Variants in CYP4F11 observed in about 807,000 individuals in gnomAD.
CYP4F11 encodes the protein cytochrome P450 family 4 subfamily F member 11, also known as cytochrome P450 4F11.
In CYP4F11, 79 loss-of-function variants were observed where a neutral mutation model predicts 62.2. The observed-to-expected ratio is 1.27, with a 90% CI of 1.06 to 1.53. The LOEUF is 1.53. Among genes scored for constraint, CYP4F11 ranks in the 40% most tolerant of loss-of-function variants. CYP4F11 has a pLI of 0.00. For synonymous variants in CYP4F11, 290 were observed against 263.7 expected (o/e 1.10, Z -0.97); for missense variants, 777 against 680.5 (o/e 1.14, Z -1.58).
At chr19:15,917,085 C>T (rs2089589078) in intron 8 of CYP4F11, among the ~76,000 whole-genome samples, 2 of 152,138 alleles carry the variant, frequency 1.3e-5, no homozygotes, top group Non-Finnish European at 2.9e-5. Context: ...TAGAATACTA[C>T]TCAGCCATTA....
Position 15,934,355 on chromosome 19 carries a change from C to A in CYP4F11, c.54G>T (p.Pro18=). ...WLGLGPVAAS[P]WLLLLLVGGS... is the part of the protein sequence containing the mutation. ...CTCCAACCAGCAGCAGAAGCAGCCA[C>A]GGGGATGCTGCCACGGGCCCGAGGC... is the stretch of plus-strand genomic sequence containing the variant. Residue 18 remains proline, a synonymous_variant, in exon 1 of 12, where the codon CCG becomes CCT. Coordinates refer to ENST00000402119, the MANE Select transcript of CYP4F11 (RefSeq NM_021187.4). 6.2e-7 allele frequency: 1 copy of A among 1,613,318 alleles called. No homozygotes were observed. Among genetic ancestry groups the A allele is most frequent in the South Asian group, 1.1e-5 (1 of 91,040 alleles).
At chr19:15,920,115 T>G (rs749090946) in intron 8 of CYP4F11, among the ~76,000 whole-genome samples, 16 of 152,246 alleles carry the variant, frequency 1.1e-4, no homozygotes, top group Admixed American at 2.6e-4. Context: ...GTAATGGATA[T>G]GACCATCAGG....
intron 8 of CYP4F11, among the ~76,000 whole-genome samples, chr19:15,919,558 G>A (rs534273473): frequency 6.6e-6 from 1 of 151,860 alleles, no homozygotes; most frequent in African/African-American, 2.4e-5. Flanking sequence ...ATGACAAATT[G>A]ATGTCTCAAG....
chr19:15,930,757 G>A (rs1020359458), intron 1 of CYP4F11, among the ~76,000 whole-genome samples: 3 of 151,966 alleles, frequency 2.0e-5, no homozygotes, highest in Non-Finnish European at 2.9e-5. Flanking sequence ...ACAGCAGTGT[G>A]GCCTCAGGAC....
Position 15,924,829 on chromosome 19 carries a change from T to C in CYP4F11, c.579A>G (p.Glu193=), listed in dbSNP as rs768457348. ...TGTCCAAGGTCATGAGGCTGATGTGTTCAAACATGTCCAGTCTGGCGCTGC... is the reference window on the plus strand; with the variant it reads ...TGTCCAAGGTCATGAGGCTGATGTGCTCAAACATGTCCAGTCTGGCGCTGC... ...SEGSARLDMF[E]HISLMTLDSL... is the part of the protein sequence containing the mutation. Residue 193 remains glutamate, a synonymous_variant, in exon 5 of 12, where the codon GAA becomes GAG. Transcript: ENST00000402119. 9.3e-6 allele frequency: 15 copies of C among 1,613,076 alleles called. No homozygotes were observed. Among genetic ancestry groups the C allele is most frequent in the Non-Finnish European group, 1.2e-5 (14 of 1,179,440 alleles).
intron 10 of CYP4F11, 22 bp downstream of exon 10, chr19:15,914,580 G>T (rs753203359): frequency 1.7e-5 from 27 of 1,613,698 alleles, no homozygotes; most frequent in Non-Finnish European, 2.2e-5. Flanking sequence ...CTCCAAAAAG[G>T]GTGGGGTGAG....
rs2089735818 is a variant in CYP4F11, at chr19:15,932,483, A to AGTGAGTGG, written c.198+1727_198+1728insCCACTCAC. 4.8e-4 allele frequency among the ~76,000 whole-genome samples: 2 copies of AGTGAGTGG among 4,172 alleles called. 1 individual carries two copies. Among genetic ancestry groups the AGTGAGTGG allele is most frequent in the Non-Finnish European group, 1.0e-3 (2 of 1,960 alleles). 2.7% of individuals were successfully genotyped at this position (4,172 alleles called of 152,430 possible). On this transcript the variant is annotated intron_variant, in intron 1 of 11. Transcript: ENST00000402119. ...GAGCGGGGAGAGGAATGAGTGAGTG[A>AGTGAGTGG]GGAGAGGAATGAGTGAGTGAGGAGA...
chr19:15,931,599 A>G (rs1250081431), intron 1 of CYP4F11, among the ~76,000 whole-genome samples: 5 of 114,144 alleles, frequency 4.4e-5, no homozygotes, highest in Non-Finnish European at 7.3e-5. Context: ...GGAATGAGTG[A>G]GTGAGGAGAG....
intron 4 of CYP4F11, 73 bp downstream of exon 4, chr19:15,927,139 A>G: frequency 6.5e-7 from 1 of 1,547,392 alleles, no homozygotes; most frequent in Non-Finnish European, 8.8e-7. Flanking sequence ...CACAACCAAA[A>G]TTCCAGAGCA....
In CYP4F11 at chr19:15,923,827, C is replaced by A. The variant is rs1372791673; in HGVS notation, c.903G>T (p.Val301=). 2 of 1,612,854 alleles carry A rather than the reference C, an allele frequency of 1.2e-6. No homozygotes were observed. Among genetic ancestry groups the A allele is most frequent in the Admixed American group, 3.3e-5 (2 of 59,996 alleles). Residue 301 remains valine (V), a synonymous_variant, in exon 6 of 12, where the codon GTG becomes GTT. Transcript: ENST00000402119. The part of the protein sequence containing the change: ...AKSKTLDFID[V]LLLSKDEDGK... ...AGAAGCCTACCTTGCTCAGCAGAAG[C>A]ACATCAATGAAGTCTAAAGTCTTGG...
In CYP4F11 at chr19:15,934,336, C is replaced by T; in HGVS notation, c.73G>A (p.Val25Ile). 6.2e-7 allele frequency: 1 copy of T among 1,613,430 alleles called. No homozygotes were observed. The highest frequency in any genetic ancestry group is 1.1e-5 in the South Asian group (1 of 91,050). ...CGGGCCAGGAGCCAGGAGCCTCCAA[C>T]CAGCAGCAGAAGCAGCCACGGGGAT... Reference protein sequence around the residue: ...AASPWLLLLLVGGSWLLARVL... With the variant: ...AASPWLLLLLIGGSWLLARVL... Residue 25 changes from valine (V) to isoleucine (I), a missense_variant, in exon 1 of 12, where the codon GTT (valine) becomes ATT (isoleucine). Val to Ile is a conservative substitution (Grantham distance 29). Transcript: ENST00000402119.
intron 4 of CYP4F11, among the ~76,000 whole-genome samples, chr19:15,926,864 A>AC (rs1228372681): frequency 6.6e-6 from 1 of 152,240 alleles, no homozygotes; most frequent in Non-Finnish European, 1.5e-5. Flanking sequence ...TGTCTCACAC[A>AC]CTTGTTAAGT....
rs2089734219 is a variant in CYP4F11 at position 15,932,346 on chromosome 19, AGAGGAATGAGTGAGCGGGG to A, written c.198+1846_198+1864del. Among the ~76,000 whole-genome samples, 2 of 98,204 alleles carry A rather than the reference AGAGGAATGAGTGAGCGGGG, an allele frequency of 2.0e-5. 1 individual carries two copies. The highest frequency in any genetic ancestry group is 9.3e-5 in the African/African-American group (2 of 21,592). 64.4% of individuals were successfully genotyped at this position (98,204 alleles called of 152,430 possible). On this transcript the variant is annotated intron_variant, in intron 1 of 11. Transcript: ENST00000402119. The stretch of plus-strand genomic sequence containing the variant: ...CGAGGAGAGGAATGAGTGAGCGAGG[AGAGGAATGAGTGAGCGGGG>A]AGAGGAATGAGTGAGCGGGGAGAGG...
chr19:15,919,474 A>AGATAGAT (rs1555777254), intron 8 of CYP4F11, among the ~76,000 whole-genome samples: 2 of 63,644 alleles, frequency 3.1e-5, no homozygotes, highest in African/African-American at 5.9e-5. Flanking sequence ...ACAGATGTAT[A>AGATAGAT]GATAGATAGA....
chr19:15,925,934 G>T (rs2089665689), intron 4 of CYP4F11, among the ~76,000 whole-genome samples: 1 of 151,824 alleles, frequency 6.6e-6, no homozygotes, highest in Non-Finnish European at 1.5e-5. Flanking sequence ...GGAGGCCAAG[G>T]CAGGTGGATC....
In CYP4F11 at chr19:15,921,999, T is replaced by C. The variant is rs374645148; in HGVS notation, c.1115+38A>G. The C allele has an allele frequency of 1.6e-5, 25 of 1,532,692 alleles. No individual in the cohort carries two copies. In the African/African-American group the frequency reaches 3.2e-4, roughly 20 times the overall value. 94.9% of individuals were successfully genotyped at this position (1,532,692 alleles called of 1,614,324 possible). On this transcript the variant is annotated intron_variant, in intron 8 of 11. Transcript: ENST00000402119. The stretch of plus-strand genomic sequence containing the variant: ...CTGCCCACCTGAGGAGCAGAACCAA[T>C]GACAAAAGATCAGGAACAGGCCAGC...
At chr19:15,914,417 G>C in intron 10 of CYP4F11, 30 bp from the exon 11 acceptor site, 2 of 1,607,136 alleles carry the variant, frequency 1.2e-6, no homozygotes, top group Non-Finnish European at 1.7e-6. Flanking sequence ...GGCTTGCTGG[G>C]TGGGGTCACC....
Position 15,914,656 on chromosome 19 carries a change from G to A in CYP4F11, c.1260C>T (p.Cys420=). The change falls in exon 10 of 12, where the codon TGC becomes TGT. Residue 420 remains cysteine (C), a synonymous_variant. Coordinates refer to ENST00000402119, the MANE Select transcript of CYP4F11 (RefSeq NM_021187.4). ...AATGGATCCCGATAATATTGATGAGGCAGACAATGCCTGTGGGAGAGAAGA... is the reference window on the plus strand; with the variant it reads ...AATGGATCCCGATAATATTGATGAGACAGACAATGCCTGTGGGAGAGAAGA... The part of the protein sequence containing the change: ...DGRVIPKGIV[C]LINIIGIHYN... 1.9e-6 allele frequency: 3 copies of A among 1,613,862 alleles called. No homozygotes were observed. Among genetic ancestry groups the A allele is most frequent in the East Asian group, 2.2e-5 (1 of 44,878 alleles).
chr19:15,919,087 T>A (rs1304082924), intron 8 of CYP4F11, among the ~76,000 whole-genome samples: 2 of 149,476 alleles, frequency 1.3e-5, no homozygotes, highest in Admixed American at 6.7e-5. Context: ...TTTCATTGAC[T>A]CCTAATTATT....
Sources: allele counts gnomAD v4.1 joint callset (sites outside exome capture counted in the v4.1 genomes callset), GRCh38; gene constraint gnomAD v4.1.1; transcripts MANE v1.5; gene names NCBI Gene and HGNC (gene_info 2026-07-23, HGNC 2026-07-21).